The following EPS8L2 variants were observed in gnomAD, a reference collection of about 807,000 sequenced individuals.
The protein encoded by EPS8L2 is EPS8 signaling adaptor L2, also known as epidermal growth factor receptor kinase substrate 8-like protein 2.
In EPS8L2, 81 loss-of-function variants were observed where a neutral mutation model predicts 99.4. The ratio of observed to expected loss-of-function variants is 0.82; its 90% confidence interval spans 0.68 to 0.98. The LOEUF (loss-of-function observed/expected upper bound fraction) is 0.98, where lower values mean the gene tolerates loss of function less well. EPS8L2 is among the 50% of genes least tolerant of loss of function. EPS8L2 has a pLI of 0.00. For missense variants in EPS8L2, 1,155 were observed against 968.8 expected (o/e 1.19, Z -2.55); for synonymous variants, 509 against 407.3 (o/e 1.25, Z -3.01).
intron 5 of EPS8L2, 110 bp from the exon 6 acceptor site, chr11:720,487 C>T (rs1862126942): frequency 6.7e-7 from 1 of 1,502,674 alleles, no homozygotes. Context: ...AGCCCATTCC[C>T]CAGCGGCGCC....
chr11:723,238 C>G lies in EPS8L2; in HGVS notation c.1342-3C>G. ...TAACTCAGGTCGCCCACCTTCCCCA[C>G]AGGTGAGTCCAGTGAGCCGACAGTC... On this transcript the variant is annotated splice_region_variant and splice_polypyrimidine_tract_variant and intron_variant, in intron 14 of 20. Coordinates refer to ENST00000318562, the MANE Select transcript of EPS8L2 (RefSeq NM_022772.4). 6.3e-7 allele frequency: 1 copy of G among 1,589,718 alleles called. No homozygotes were observed. The highest frequency in any genetic ancestry group is 8.6e-7 in the Non-Finnish European group (1 of 1,167,332).
intron 4 of EPS8L2, among the ~76,000 whole-genome samples, chr11:717,963 C>A (rs1259175391): frequency 6.6e-6 from 1 of 151,486 alleles, no homozygotes; most frequent in Non-Finnish European, 1.5e-5. Context: ...GAGCCGAGAT[C>A]GCGCCACTGC....
chr11:719,192 C>T (rs944996034), intron 4 of EPS8L2, among the ~76,000 whole-genome samples: 3 of 152,086 alleles, frequency 2.0e-5, no homozygotes, highest in Non-Finnish European at 4.4e-5. Flanking sequence ...GTCTCGAACT[C>T]CTGACCTCAG....
In EPS8L2 at chr11:709,227, G is replaced by T. The variant is rs560186245; in HGVS notation, c.-78-103G>T. 5.3e-5 allele frequency: 38 copies of T among 716,736 alleles called. No individual in the cohort carries two copies. The African/African-American group carries it at 6.6e-4, about 12-fold the overall frequency. The allele number at this position is 716,736 out of a possible 1,614,324, so 44.4% of individuals were successfully genotyped here. On this transcript the variant is annotated intron_variant, in intron 1 of 20. Transcript: ENST00000318562. ...CGGGCAGGGGCTCTGCCCCCCAAGG[G>T]ACCCCCACCCAGGCCAGGCCAGTCA...
chr11:717,070 G>A (rs1198136103), intron 4 of EPS8L2, among the ~76,000 whole-genome samples: 4 of 152,086 alleles, frequency 2.6e-5, no homozygotes, highest in Non-Finnish European at 4.4e-5. Flanking sequence ...TCTACCTTCC[G>A]GGTTCAAGTG....
chr11:720,138 T>C lies in EPS8L2; in HGVS notation c.242T>C (p.Leu81Pro), dbSNP rs754917863. 1 of 1,613,430 alleles carries C rather than the reference T, an allele frequency of 6.2e-7. No individual in the cohort carries two copies. ...GACGCCATCCGGAAGCTGGTGCAGC[T>C]GAGCTCCAAGGAGAAGATCTGGACC... is the stretch of plus-strand genomic sequence containing the variant. ...VDDAIRKLVQ[L>P]SSKEKIWTQE... The change falls in exon 5 of 21, where the codon CTG becomes CCG. Residue 81 changes from leucine to proline, a missense_variant. Coordinates refer to ENST00000318562, the MANE Select transcript of EPS8L2 (RefSeq NM_022772.4).
Position 709,628 on chromosome 11 carries a change from G to A in EPS8L2, c.100+20G>A, listed in dbSNP as rs749609093. ...TGTTTGGTGAGTGAGGTTTGAGAAC[G>A]GGCTGGACGTCACAGGGGAGAAATG... is the stretch of plus-strand genomic sequence containing the variant. On this transcript the variant is annotated intron_variant, in intron 3 of 20. Coordinates refer to ENST00000318562, the MANE Select transcript of EPS8L2 (RefSeq NM_022772.4). The A allele has an allele frequency of 8.7e-6, 14 of 1,611,634 alleles. No individual in the cohort carries two copies. The highest frequency in any genetic ancestry group is 3.3e-5 in the South Asian group (3 of 90,934).
In EPS8L2 at chr11:721,639, G is replaced by T; in HGVS notation, c.843G>T (p.Lys281Asn). The T allele has an allele frequency of 1.9e-6, 3 of 1,578,808 alleles. No individual in the cohort carries two copies. Among genetic ancestry groups the T allele is most frequent in the Non-Finnish European group, 1.7e-6 (2 of 1,167,192 alleles). ...TGCAGAAGGCAGCCGAGGCTTTCAA[G>T]CAGCTGAACCAGCGGAAAAAGGGGA... ...ARLQKAAEAF[K>N]QLNQRKKGKK... Residue 281 changes from lysine (K) to asparagine (N), a missense_variant, in exon 10 of 21, where the codon AAG becomes AAT. Lys to Asn is a moderately conservative substitution (Grantham distance 94). Transcript: ENST00000318562.
Position 725,748 on chromosome 11 carries a change from G to A in EPS8L2, c.1581G>A (p.Gln527=). Residue 527 remains glutamine, a synonymous_variant, in exon 17 of 21, where the codon CAG becomes CAA. Coordinates refer to ENST00000318562, the MANE Select transcript of EPS8L2 (RefSeq NM_022772.4). ...EVLEVLEDGR[Q]WWKLRSRSGQ... Reference sequence around the variant, plus strand: ...CGCAGGTGCTGGAGGACGGCCGGCAGTGGTGGAAGCTGCGCAGCCGCAGCG... The same window carrying A: ...CGCAGGTGCTGGAGGACGGCCGGCAATGGTGGAAGCTGCGCAGCCGCAGCG... 1 of 1,335,966 alleles carries A rather than the reference G, an allele frequency of 7.5e-7. No homozygotes were observed. The allele number at this position is 1,335,966 out of a possible 1,614,324, so 82.8% of individuals were successfully genotyped here. A position where few individuals can be genotyped will look rare whatever the true frequency, so the allele number is the denominator to read the frequency against.
intron 4 of EPS8L2, among the ~76,000 whole-genome samples, chr11:716,151 GGTT>G (rs1862021890): frequency 7.0e-6 from 1 of 143,016 alleles, no homozygotes; most frequent in Non-Finnish European, 1.5e-5. Flanking sequence ...TTTTGTGTGG[GGTT>G]TTTTTTTTTT....
Position 727,019 on chromosome 11 carries a change from C to A in EPS8L2, c.*38C>A, listed in dbSNP as rs1590058958. ...TGGGCTGGGGCCTGCGGAGGGGAAG[C>A]CCACCCACAATGCATGGAGTATTAT... On this transcript the variant is annotated 3_prime_UTR_variant, in exon 21 of 21. Transcript: ENST00000318562. 1 of 1,399,254 alleles carries A rather than the reference C, an allele frequency of 7.1e-7. No homozygotes were observed. Among genetic ancestry groups the A allele is most frequent in the Non-Finnish European group, 1.0e-6 (1 of 990,620 alleles). The allele number at this position is 1,399,254 out of a possible 1,614,324, so 86.7% of individuals were successfully genotyped here. A position where few individuals can be genotyped will look rare whatever the true frequency, so the allele number is the denominator to read the frequency against.
At chr11:718,369 C>T (rs967571199) in intron 4 of EPS8L2, among the ~76,000 whole-genome samples, 11 of 152,164 alleles carry the variant, frequency 7.2e-5, no homozygotes, top group Admixed American at 6.6e-4. Flanking sequence ...CAAAAAAACC[C>T]GCCAAACCGA....
rs1358673784 is a variant in EPS8L2 at position 724,423 on chromosome 11, T to C, written c.1455-301T>C. 2 of 403,704 alleles carry C rather than the reference T, an allele frequency of 5.0e-6. No homozygotes were observed. The allele number at this position is 403,704 out of a possible 1,614,324, so 25.0% of individuals were successfully genotyped here. A position where few individuals can be genotyped will look rare whatever the true frequency, so the allele number is the denominator to read the frequency against. ...GGAACGCCCCTGGCTCTGGTTCCCC[T>C]GGGGTGCCGGACTGGAGACCCCTGA... On this transcript the variant is annotated intron_variant, in intron 15 of 20. Coordinates refer to ENST00000318562, the MANE Select transcript of EPS8L2 (RefSeq NM_022772.4). This position sits in a 1 kb window ranked among gnomAD's most constrained non-coding sequence, Gnocchi z 5.5.
chr11:715,443 T>G (rs1861996997), intron 4 of EPS8L2, among the ~76,000 whole-genome samples: 1 of 152,034 alleles, frequency 6.6e-6, no homozygotes, highest in South Asian at 2.1e-4. Flanking sequence ...CTCTAGTATT[T>G]TTCTTGATCA....
At position 721,941 on chromosome 11, in the gene EPS8L2, G is replaced by T. The variant is rs747338886; in HGVS notation, c.934G>T (p.Gly312Cys). The T allele has an allele frequency of 3.1e-6, 5 of 1,600,156 alleles. No homozygotes were observed. Residue 312 changes from glycine to cysteine, a missense_variant, in exon 11 of 21, where the codon GGC (glycine) becomes TGC (cysteine). Transcript: ENST00000318562. Reference protein sequence around the residue: ...LTLRARPPSEGEFIDCFQKIK... With the variant: ...LTLRARPPSECEFIDCFQKIK... ...ACTGCGGGCACGGCCCCCCTCTGAGGGCGAGTTCATCGACTGCTTCCAGAA... is the reference window on the plus strand; with the variant it reads ...ACTGCGGGCACGGCCCCCCTCTGAGTGCGAGTTCATCGACTGCTTCCAGAA...
rs766525123 is a variant in EPS8L2 at position 710,299 on chromosome 11, C to T, written c.101-123C>T. On this transcript the variant is annotated intron_variant, in intron 3 of 20. Coordinates refer to ENST00000318562, the MANE Select transcript of EPS8L2 (RefSeq NM_022772.4). ...TCACACCCACATCCTTCCTGGTGGC[C>T]AAGAGGTCCACGGAGCAGCCTCCCT... 6.8e-6 allele frequency: 6 copies of T among 887,014 alleles called. No individual in the cohort carries two copies. In the South Asian group the frequency reaches 8.5e-5, roughly 13 times the overall value. 54.9% of individuals were successfully genotyped at this position (887,014 alleles called of 1,614,324 possible). A position where few individuals can be genotyped will look rare whatever the true frequency, so the allele number is the denominator to read the frequency against.
At position 726,375 on chromosome 11, in the gene EPS8L2, C is replaced by T. The variant is rs756971984; in HGVS notation, c.1825C>T (p.Gln609Ter). 4 of 1,610,646 alleles carry T rather than the reference C, an allele frequency of 2.5e-6. No individual in the cohort carries two copies. The highest frequency in any genetic ancestry group is 3.4e-6 in the Non-Finnish European group (4 of 1,179,204). ...AATCAGCAACATCAGGGCGCAGCCA[C>T]AGAGGCACTTCCGCGTGGAGCGCAG... ...RKISNIRAQP[Q>*]RHFRVERSQP... The change falls in exon 19 of 21, where the codon CAG becomes TAG. Residue 609 changes from glutamine (Q) to a stop codon, truncating the protein, a stop_gained. Coordinates refer to ENST00000318562, the MANE Select transcript of EPS8L2 (RefSeq NM_022772.4). LOFTEE classifies it high-confidence loss of function.
intron 4 of EPS8L2, among the ~76,000 whole-genome samples, 195 bp downstream of exon 4, chr11:710,681 A>G (rs531660875): frequency 6.6e-6 from 1 of 152,334 alleles, no homozygotes; most frequent in East Asian, 1.9e-4. Flanking sequence ...GTGAGCCAAG[A>G]TCGCACCACT....
intron 1 of EPS8L2, 148 bp downstream of exon 1, chr11:706,436 C>A (rs1861716503): frequency 1.3e-5 from 2 of 152,730 alleles, no homozygotes; most frequent in South Asian, 4.1e-4. Context: ...GCCGAGGGCG[C>A]GGGGCAAGGG....
Sources: gnomAD v4.1 joint callset for allele counts (sites outside exome capture counted in the v4.1 genomes callset) on GRCh38, gnomAD v4.1.1 for gene constraint, Gnocchi (gnomAD v3.1) non-coding constraint, MANE v1.5 for transcripts, NCBI Gene and HGNC (gene_info 2026-07-23, HGNC 2026-07-21) for gene names.